Variants in LRRC4C observed in about 807,000 individuals in gnomAD.
The protein encoded by LRRC4C is leucine rich repeat containing 4C.
A neutral mutation model predicts 33.6 loss-of-function variants in LRRC4C; 5 were observed. The ratio of observed to expected loss-of-function variants is 0.15; its 90% CI spans 0.08 to 0.31. The LOEUF is 0.31. Among genes scored for constraint, LRRC4C ranks in the 10% least tolerant of loss-of-function variants. The pLI is 1.00. For missense variants in LRRC4C, 560 were observed against 796.7 expected, an observed-to-expected ratio of 0.70 and a Z score of 3.58; for synonymous variants, 329 against 302.0, an observed-to-expected ratio of 1.09 and a Z score of -0.93.
intron 1 of LRRC4C, among the ~76,000 whole-genome samples, chr11:41,252,557 C>G (rs1948674227): frequency 6.6e-6 from 1 of 152,088 alleles, no homozygotes; most frequent in Non-Finnish European, 1.5e-5. Context: ...GCAAGAATCA[C>G]AAGTAGTATT....
At chr11:41,080,342 CTTTT>C (rs71060997) in intron 1 of LRRC4C, among the ~76,000 whole-genome samples, 8 of 103,434 alleles carry the variant, frequency 7.7e-5, no homozygotes, top group South Asian at 3.6e-4. Context: ...GAGTCTCCTC[CTTTT>C]TTTTTTTTTT....
intron 2 of LRRC4C, among the ~76,000 whole-genome samples, chr11:40,794,803 A>G (rs1328562609): frequency 2.0e-5 from 3 of 151,670 alleles, no homozygotes; most frequent in Non-Finnish European, 4.4e-5. Context: ...ATCACGACTC[A>G]AAGTCCGTAA....
At chr11:40,458,743 T>G (rs1474553635) in intron 3 of LRRC4C, among the ~76,000 whole-genome samples, 5 of 152,304 alleles carry the variant, frequency 3.3e-5, no homozygotes, top group Admixed American at 6.5e-5. Context: ...TCAAATCACT[T>G]TGGAAATCCA....
chr11:40,624,699 G>A (rs181874372), intron 3 of LRRC4C, among the ~76,000 whole-genome samples: 1 of 152,222 alleles, frequency 6.6e-6, no homozygotes, highest in African/African-American at 2.4e-5. Context: ...AGTTATGTAA[G>A]GCTTTGGAAT....
At chr11:40,739,338 C>T (rs527766115) in intron 2 of LRRC4C, among the ~76,000 whole-genome samples, 2 of 152,008 alleles carry the variant, frequency 1.3e-5, no homozygotes, top group South Asian at 4.2e-4. Context: ...GCTTACTTCA[C>T]TTGGCATAAT....
At chr11:40,765,860 A>G (rs1184337012) in intron 2 of LRRC4C, among the ~76,000 whole-genome samples, 2 of 152,022 alleles carry the variant, frequency 1.3e-5, no homozygotes, top group Non-Finnish European at 2.9e-5. Context: ...AAGCAAATCT[A>G]AGAGTCATTG....
intron 3 of LRRC4C, among the ~76,000 whole-genome samples, chr11:40,577,353 T>C (rs1174252715): frequency 6.6e-6 from 1 of 152,226 alleles, no homozygotes; most frequent in Non-Finnish European, 1.5e-5. Context: ...AGTGGCCTAT[T>C]ATTAGACTGA....
intron 1 of LRRC4C, among the ~76,000 whole-genome samples, chr11:41,254,630 T>A (rs1948742814): frequency 6.6e-6 from 1 of 151,996 alleles, no homozygotes; most frequent in Non-Finnish European, 1.5e-5. Flanking sequence ...TAACTGACTC[T>A]CTTTACTCCA....
chr11:41,062,478 C>T (rs1036791385), intron 1 of LRRC4C, among the ~76,000 whole-genome samples: 1 of 152,172 alleles, frequency 6.6e-6, no homozygotes, highest in African/African-American at 2.4e-5. Context: ...CAGATGCACT[C>T]TTTCTTTGCT....
chr11:41,150,079 T>C (rs1313553339), intron 1 of LRRC4C, among the ~76,000 whole-genome samples: 2 of 152,188 alleles, frequency 1.3e-5, no homozygotes, highest in Non-Finnish European at 2.9e-5. Context: ...TATCTTCCCT[T>C]ATGGCTTTCC....
intron 1 of LRRC4C, among the ~76,000 whole-genome samples, chr11:41,224,310 C>G (rs1255672964): frequency 1.3e-5 from 2 of 152,238 alleles, no homozygotes; most frequent in East Asian, 1.9e-4. Flanking sequence ...AGAGAAATGA[C>G]TTATTTTACG....
At chr11:40,967,356 A>G (rs1291200644) in intron 1 of LRRC4C, among the ~76,000 whole-genome samples, 2 of 152,046 alleles carry the variant, frequency 1.3e-5, no homozygotes, top group Non-Finnish European at 2.9e-5. Flanking sequence ...CACTTCCCCA[A>G]AGCCATAAGC....
intron 2 of LRRC4C, among the ~76,000 whole-genome samples, chr11:40,811,144 C>CTTTTT (rs1322947296): frequency 6.6e-6 from 1 of 152,104 alleles, no homozygotes; most frequent in African/African-American, 2.4e-5. Context: ...ATTTCTCAAG[C>CTTTTT]TTTCTTTTTC....
intron 1 of LRRC4C, among the ~76,000 whole-genome samples, chr11:40,989,092 G>A (rs1459716803): frequency 2.0e-5 from 3 of 151,974 alleles, no homozygotes; most frequent in Non-Finnish European, 2.9e-5. Context: ...TCTTTTCTCT[G>A]CCACACCTTC....
At chr11:41,172,008 A>T (rs1242179865) in intron 1 of LRRC4C, among the ~76,000 whole-genome samples, 2 of 152,126 alleles carry the variant, frequency 1.3e-5, no homozygotes. Flanking sequence ...ACTCTTTCAG[A>T]TCTGCCACAG....
intron 1 of LRRC4C, among the ~76,000 whole-genome samples, chr11:41,366,955 A>T (rs571327343): frequency 6.6e-6 from 1 of 152,184 alleles, no homozygotes; most frequent in Non-Finnish European, 1.5e-5. Context: ...TTTAGGGATG[A>T]TGTTAATAGA....
chr11:40,798,693 G>C (rs1950927002), intron 2 of LRRC4C, among the ~76,000 whole-genome samples: 1 of 149,914 alleles, frequency 6.7e-6, no homozygotes, highest in Non-Finnish European at 1.5e-5. Context: ...GCCCAGGCTG[G>C]AGTACAATAG....
chr11:40,991,752 T>C (rs1853582801), intron 1 of LRRC4C, among the ~76,000 whole-genome samples: 1 of 152,094 alleles, frequency 6.6e-6, no homozygotes, highest in Non-Finnish European at 1.5e-5. Flanking sequence ...ACGATAGGGT[T>C]TGTGCTCCTT....
At chr11:41,245,070 A>G (rs1157227465) in intron 1 of LRRC4C, among the ~76,000 whole-genome samples, 1 of 152,318 alleles carries the variant, frequency 6.6e-6, no homozygotes, top group East Asian at 1.9e-4. Context: ...GACGTTGGTT[A>G]TGTTGCTCAT....
Sources: gnomAD v4.1 joint callset for allele counts (sites outside exome capture counted in the v4.1 genomes callset) on GRCh38, gnomAD v4.1.1 for gene constraint, MANE v1.5 for transcripts, NCBI Gene and HGNC (gene_info 2026-07-23, HGNC 2026-07-21) for gene names.